The following DMD variants were observed in gnomAD, a reference collection of about 807,000 sequenced individuals.
DMD encodes dystrophin.
A neutral mutation model predicts 330.1 loss-of-function variants in DMD; 63 were observed. That is an observed-to-expected ratio of 0.19 (90% CI 0.16 to 0.24). DMD has a LOEUF of 0.24. DMD is among the 10% of genes least tolerant of loss of function. The pLI, the probability that DMD is intolerant of heterozygous loss-of-function variation, is 1.00. For missense variants in DMD, 3,344 were observed against 2,684.1 expected (o/e 1.25, Z -5.43); for synonymous variants, 1,223 against 959.8 (o/e 1.27, Z -5.07).
chrX:31,958,072 T>C (rs965251135), intron 45 of DMD, among the ~76,000 whole-genome samples: 2 of 104,940 alleles, frequency 1.9e-5, no homozygotes, highest in East Asian at 6.1e-4. Context: ...ACAAGGAAAA[T>C]AAATGCAGAA....
intron 1 of DMD, among the ~76,000 whole-genome samples, chrX:33,172,230 A>G (rs1247419330): frequency 2.7e-5 from 3 of 111,268 alleles, no homozygotes; most frequent in African/African-American, 9.9e-5. Flanking sequence ...ATTCCCCGCC[A>G]TACTTTTATT....
At chrX:33,023,996 A>G (rs1382453859) in intron 1 of DMD, among the ~76,000 whole-genome samples, 1 of 111,535 alleles carries the variant, frequency 9.0e-6, no homozygotes, top group Non-Finnish European at 1.9e-5. Context: ...TATTTACTTG[A>G]ATTGATATAT....
intron 1 of DMD, among the ~76,000 whole-genome samples, chrX:33,143,786 C>T (rs1191347937): frequency 9.0e-6 from 1 of 111,729 alleles, no homozygotes; most frequent in East Asian, 2.8e-4. Context: ...ATAGCGTTAA[C>T]TCCTCCTAAC....
At position 32,843,572 on chromosome X, in the gene DMD, A is replaced by G. The variant is rs749355610; in HGVS notation, c.264+1211T>C. On this transcript the variant is annotated intron_variant, in intron 4 of 78. Coordinates refer to ENST00000357033, the MANE Select transcript of DMD (RefSeq NM_004006.3). ...TTATGTAATGTCATCTCCCTGCCAG[A>G]TAAGCTGAGCAACATTTGGGGGAGT... Among the ~76,000 whole-genome samples the G allele has an allele frequency of 1.5e-4, 17 of 112,347 alleles. 1 individual carries two copies. In the East Asian group the frequency reaches 4.7e-3, roughly 31 times the overall value.
At chrX:33,256,481 C>T (rs760405108) in intron 1 of DMD, among the ~76,000 whole-genome samples, 22 of 109,919 alleles carry the variant, frequency 2.0e-4, no homozygotes, top group Non-Finnish European at 4.2e-4. Flanking sequence ...TTGATTAATA[C>T]AAATCCTTCA....
intron 60 of DMD, 69 bp from the exon 61 acceptor site, chrX:31,348,703 C>T (rs886851857): frequency 1.1e-5 from 10 of 936,505 alleles, no homozygotes; most frequent in African/African-American, 1.9e-5. Flanking sequence ...AACAATGTAT[C>T]CTTTCTGATA....
intron 52 of DMD, among the ~76,000 whole-genome samples, chrX:31,690,179 G>C (rs1603448096): frequency 8.9e-6 from 1 of 111,929 alleles, no homozygotes; most frequent in Middle Eastern, 4.6e-3. Flanking sequence ...AGAGTGAACA[G>C]GCAGCCTACA....
At chrX:32,323,623 C>T (rs1202708125) in intron 41 of DMD, among the ~76,000 whole-genome samples, 3 of 111,076 alleles carry the variant, frequency 2.7e-5, no homozygotes, top group African/African-American at 9.8e-5. Flanking sequence ...AATTTTGGCG[C>T]AACACTACAG....
Position 32,484,908 on chromosome X carries a change from T to G in DMD, c.2803+11A>C. The G allele has an allele frequency of 1.7e-6, 2 of 1,209,902 alleles. No individual in the cohort carries two copies. The highest frequency in any genetic ancestry group is 2.2e-6 in the Non-Finnish European group (2 of 894,161). On this transcript the variant is annotated intron_variant, in intron 21 of 78. Coordinates refer to ENST00000357033, the MANE Select transcript of DMD (RefSeq NM_004006.3). Reference sequence around the variant, plus strand: ...AAATGTCAAGTTAGCCATTTTAGGCTTTTTACTTACTTGTCTGTAGCTCTT... The same window carrying G: ...AAATGTCAAGTTAGCCATTTTAGGCGTTTTACTTACTTGTCTGTAGCTCTT...
chrX:32,785,705 T>C (rs1168048670), intron 7 of DMD, among the ~76,000 whole-genome samples: 1 of 111,682 alleles, frequency 9.0e-6, no homozygotes, highest in East Asian at 2.8e-4. Context: ...ATATTCCATA[T>C]TTTTTAACTT....
intron 2 of DMD, among the ~76,000 whole-genome samples, chrX:32,878,933 G>A (rs957829362): frequency 4.6e-5 from 5 of 107,624 alleles, no homozygotes; most frequent in African/African-American, 6.8e-5. Flanking sequence ...GCTTGAACCC[G>A]GGAGGCGGAG....
intron 44 of DMD, among the ~76,000 whole-genome samples, chrX:32,204,556 T>C (rs2097055367): frequency 8.9e-6 from 1 of 112,058 alleles, no homozygotes; most frequent in Admixed American, 9.5e-5. Flanking sequence ...TATTACAACC[T>C]TGTGACACTC....
At chrX:31,747,870 A>C (rs745318307) in intron 51 of DMD, among the ~76,000 whole-genome samples, 1 of 112,239 alleles carries the variant, frequency 8.9e-6, no homozygotes, top group African/African-American at 3.2e-5. Context: ...TAATTTCAAT[A>C]CCTTTTAAGT....
intron 1 of DMD, among the ~76,000 whole-genome samples, chrX:33,239,798 T>C (rs2052557056): frequency 9.0e-6 from 1 of 111,648 alleles, no homozygotes; most frequent in Admixed American, 9.5e-5. Context: ...AGGTTGAGCA[T>C]CCCTAATCCA....
chrX:31,646,235 C>G (rs746839608), intron 54 of DMD, among the ~76,000 whole-genome samples: 1 of 103,382 alleles, frequency 9.7e-6, no homozygotes, highest in East Asian at 2.9e-4. Context: ...ACTGTTCTAT[C>G]ACATTGTGTG....
intron 44 of DMD, among the ~76,000 whole-genome samples, chrX:32,027,195 G>GAA (rs2095852937): frequency 2.1e-5 from 2 of 96,597 alleles, no homozygotes; most frequent in African/African-American, 8.2e-5. Context: ...GAGAGAGAGA[G>GAA]AGAGAGAGAG....
intron 17 of DMD, among the ~76,000 whole-genome samples, chrX:32,523,996 G>A (rs1185610339): frequency 1.9e-5 from 2 of 103,241 alleles, no homozygotes; most frequent in South Asian, 4.7e-4. Context: ...GCAGTGGCGC[G>A]ATCTCGGCTC....
chrX:31,318,848 A>G lies in DMD; in HGVS notation c.9224+4750T>C, dbSNP rs111940713. Among the ~76,000 whole-genome samples the G allele has an allele frequency of 3.0e-3, 340 of 112,116 alleles. 2 individuals are homozygous for G. The highest frequency in any genetic ancestry group is 0.011 in the African/African-American group (324 of 30,847). ...GTCAGCAGGTTTACTCCTGAGTTTCATTAGTGAATTCTTCCCAATATTTAG... is the reference window on the plus strand; with the variant it reads ...GTCAGCAGGTTTACTCCTGAGTTTCGTTAGTGAATTCTTCCCAATATTTAG... On this transcript the variant is annotated intron_variant, in intron 62 of 78. Transcript: ENST00000357033.
intron 37 of DMD, among the ~76,000 whole-genome samples, chrX:32,359,103 T>C (rs950582615): frequency 3.6e-5 from 4 of 111,342 alleles, no homozygotes; most frequent in Non-Finnish European, 7.5e-5. Context: ...GACTTTTTGC[T>C]CTCACCATAC....
Sources: gnomAD v4.1 joint callset for allele counts (sites outside exome capture counted in the v4.1 genomes callset) on GRCh38, gnomAD v4.1.1 for gene constraint, MANE v1.5 for transcripts, NCBI Gene and HGNC (gene_info 2026-07-23, HGNC 2026-07-21) for gene names.